The following BIRC6 variants were observed in gnomAD, a reference collection of about 807,000 sequenced individuals.
The protein encoded by BIRC6 is baculoviral IAP repeat containing 6, also known as dual E2 ubiquitin-conjugating enzyme/E3 ubiquitin-protein ligase BIRC6.
Under a neutral mutation model 503.3 loss-of-function variants are expected in BIRC6, and 98 were observed. The ratio of observed to expected loss-of-function variants is 0.19; its 90% confidence interval spans 0.17 to 0.23. The LOEUF is 0.23. Ranked by LOEUF, BIRC6 falls within the 10% of genes least tolerant of loss-of-function variation. The probability of loss-of-function intolerance (pLI) is 1.00; values close to 1 mark genes in which losing one functional copy is unlikely to be tolerated. For missense variants in BIRC6, 5,360 were observed against 5,806.0 expected, an observed-to-expected ratio of 0.92 and a Z score of 2.50; for synonymous variants, 2,240 against 2,078.7, an observed-to-expected ratio of 1.08 and a Z score of -2.11.
chr2:32,383,353 A>G (rs1212762603), intron 3 of BIRC6, among the ~76,000 whole-genome samples: 6 of 152,152 alleles, frequency 3.9e-5, no homozygotes, highest in African/African-American at 1.4e-4. Context: ...ATAATGGTCA[A>G]GAGGATATAT....
intron 57 of BIRC6, among the ~76,000 whole-genome samples, chr2:32,520,389 A>G (rs867147696): frequency 1.3e-5 from 2 of 152,108 alleles, no homozygotes; most frequent in Non-Finnish European, 2.9e-5. Context: ...TATAAATATT[A>G]AAAAAAATTT....
intron 54 of BIRC6, among the ~76,000 whole-genome samples, chr2:32,514,008 C>A (rs2366896): frequency 1 from 152,287 of 152,288 alleles, 76,143 homozygotes; most frequent in Non-Finnish European, 1. Flanking sequence ...AGAAGTTCGC[C>A]ATGCTGCCTC....
chr2:32,488,599 T>C lies in BIRC6; in HGVS notation c.7980T>C (p.Leu2660=), dbSNP rs1407222283. The change falls in exon 42 of 74, where the codon CTT becomes CTC. Residue 2660 remains leucine, a synonymous_variant. Transcript: ENST00000421745. ...TCATTCTTTTTCAGTTGGAGTCACTTCTCCAATTGTGGCTCACACTGAGCC... is the reference window on the plus strand; with the variant it reads ...TCATTCTTTTTCAGTTGGAGTCACTCCTCCAATTGTGGCTCACACTGAGCC... ...LQVHHVQLES[L]LQLWLTLSLN... 1 of 1,524,180 alleles carries C rather than the reference T, an allele frequency of 6.6e-7. No homozygotes were observed. Among genetic ancestry groups the C allele is most frequent in the Admixed American group, 2.3e-5 (1 of 43,414 alleles). The allele number at this position is 1,524,180 out of a possible 1,614,324, so 94.4% of individuals were successfully genotyped here. A position where few individuals can be genotyped will look rare whatever the true frequency, so the allele number is the denominator to read the frequency against.
At position 32,547,857 on chromosome 2, in the gene BIRC6, T is replaced by C. The variant is rs953284557; in HGVS notation, c.12818T>C (p.Val4273Ala). Residue 4273 changes from valine (V) to alanine (A), a missense_variant, in exon 64 of 74, where the codon GTG becomes GCG. Around this residue, in one of 16 missense-constraint regions of BIRC6, gnomAD observed 477 missense variants for 574.4 expected, o/e 0.83. Transcript: ENST00000421745. ...NSSVNQTEPQ[V>A]SSSHNPTSTE... Reference sequence around the variant, plus strand: ...ATTTTTTGTTATTTTAAGCCACAGGTGTCAAGCTCTCATAACCCTACATCA... The same window carrying C: ...ATTTTTTGTTATTTTAAGCCACAGGCGTCAAGCTCTCATAACCCTACATCA... 1.3e-6 allele frequency: 2 copies of C among 1,565,540 alleles called. No individual in the cohort carries two copies. Among genetic ancestry groups the C allele is most frequent in the Non-Finnish European group, 1.7e-6 (2 of 1,161,540 alleles).
chr2:32,367,316 G>T (rs1356068714), intron 1 of BIRC6, among the ~76,000 whole-genome samples: 1 of 151,838 alleles, frequency 6.6e-6, no homozygotes, highest in Non-Finnish European at 1.5e-5. Context: ...TACAAAATTG[G>T]CTGGGTGTGA....
intron 55 of BIRC6, 131 bp downstream of exon 55, chr2:32,515,901 C>A: frequency 1.3e-6 from 1 of 796,958 alleles, no homozygotes; most frequent in South Asian, 1.9e-5. Flanking sequence ...CTATAAAGTA[C>A]TGATATCTCC....
Position 32,357,443 on chromosome 2 carries a change from C to A in BIRC6, c.282C>A (p.Ile94=). 1 of 1,550,262 alleles carries A rather than the reference C, an allele frequency of 6.5e-7. No individual in the cohort carries two copies. The highest frequency in any genetic ancestry group is 8.7e-7 in the Non-Finnish European group (1 of 1,147,066). The change falls in exon 1 of 74, where the codon ATC becomes ATA. Residue 94 remains isoleucine (I), a synonymous_variant. Coordinates refer to ENST00000421745, the MANE Select transcript of BIRC6 (RefSeq NM_016252.4). This position sits in a 1 kb window ranked among gnomAD's most constrained non-coding sequence, Gnocchi z 4.9. ...CTAGCCGCGGGACCATCAAAGTCAT[C>A]GACGGCACCTCGGGGGCCACACTGC... ...AVTSRGTIKV[I]DGTSGATLQA...
chr2:32,443,313 C>A (rs1193764843), intron 19 of BIRC6, 178 bp from the exon 20 acceptor site: 4 of 522,650 alleles, frequency 7.7e-6, no homozygotes, highest in Non-Finnish European at 1.0e-5. Context: ...TATTTACAAC[C>A]CTCCTTAGTA....
At chr2:32,606,266 G>A (rs559275163) in intron 71 of BIRC6, among the ~76,000 whole-genome samples, 1 of 152,192 alleles carries the variant, frequency 6.6e-6, no homozygotes, top group East Asian at 1.9e-4. Flanking sequence ...GTTTGGAAGT[G>A]GTCTTAGACC....
At chr2:32,538,867 C>A (rs937824954) in intron 61 of BIRC6, among the ~76,000 whole-genome samples, 2 of 152,072 alleles carry the variant, frequency 1.3e-5, no homozygotes, top group African/African-American at 4.8e-5. Context: ...GAGATCGTGC[C>A]CCTGCACTGC....
chr2:32,498,898 A>G (rs1572635951), intron 45 of BIRC6, among the ~76,000 whole-genome samples: 1 of 152,292 alleles, frequency 6.6e-6, no homozygotes, highest in East Asian at 1.9e-4. Context: ...TATTTTTAGT[A>G]ACAATGAGGT....
chr2:32,443,576 G>GCAA lies in BIRC6; in HGVS notation c.4329_4331dup (p.Thr1444dup), dbSNP rs1258365518. ...TGATAATATGTCATTTTTACCTGCA[G>GCAA]CAACAACTGGTGGTATGTAAAATTA... On this transcript the variant is annotated inframe_insertion, in exon 20 of 74. Coordinates refer to ENST00000421745, the MANE Select transcript of BIRC6 (RefSeq NM_016252.4). 2.5e-6 allele frequency: 4 copies of GCAA among 1,599,654 alleles called. No individual in the cohort carries two copies. The Admixed American group carries it at 5.1e-5, about 21-fold the overall frequency.
At chr2:32,485,781 A>C (rs1205793111) in intron 40 of BIRC6, 22 bp downstream of exon 40, 2 of 1,415,594 alleles carry the variant, frequency 1.4e-6, no homozygotes, top group Admixed American at 1.7e-5. Context: ...GACCATTTTT[A>C]GAGTATTGCA....
At chr2:32,446,738 G>A (rs943562109) in intron 21 of BIRC6, among the ~76,000 whole-genome samples, 2 of 34,836 alleles carry the variant, frequency 5.7e-5, no homozygotes, top group Non-Finnish European at 9.5e-5. Context: ...CCTCTGCGCT[G>A]TTTTTTTTTT....
At chr2:32,426,141 G>A (rs547956554) in intron 10 of BIRC6, among the ~76,000 whole-genome samples, 1 of 152,336 alleles carries the variant, frequency 6.6e-6, no homozygotes, top group South Asian at 2.1e-4. Context: ...ACTGGTCCCC[G>A]TGTTGATTCT....
rs1006732362 is a variant in BIRC6, at chr2:32,482,496, T to C, written c.7610T>C (p.Ile2537Thr). ...DYGTYNYNPY[I>T]GGLGIPVAKP... ...GGGACCTACAATTACAACCCTTACA[T>C]TGGAGGTCTGGGAATTCCTGTAGCA... Residue 2537 changes from isoleucine (I) to threonine (T), a missense_variant, in exon 39 of 74, where the codon ATT becomes ACT. Physicochemically the swap from Ile to Thr is moderately conservative, Grantham distance 89. Transcript: ENST00000421745. 4.3e-6 allele frequency: 7 copies of C among 1,613,780 alleles called. No individual in the cohort carries two copies. In the African/African-American group the frequency reaches 6.7e-5, roughly 15 times the overall value.
chr2:32,377,249 G>T lies in BIRC6; in HGVS notation c.326-339G>T, dbSNP rs572762412. Among the ~76,000 whole-genome samples the T allele has an allele frequency of 2.7e-5, 4 of 148,520 alleles. No individual in the cohort carries two copies. The East Asian group carries it at 8.0e-4, about 30-fold the overall frequency. On this transcript the variant is annotated intron_variant, in intron 1 of 73. Transcript: ENST00000421745. ...TGTGTGTGTGTGTGTGTGTGTGTGTGTATACACATCATATTTTATTCTACT... is the reference window on the plus strand; with the variant it reads ...TGTGTGTGTGTGTGTGTGTGTGTGTTTATACACATCATATTTTATTCTACT...
At chr2:32,374,042 CT>C (rs2149312853) in intron 1 of BIRC6, among the ~76,000 whole-genome samples, 1 of 152,184 alleles carries the variant, frequency 6.6e-6, no homozygotes, top group South Asian at 2.1e-4. Context: ...GGTTGCCAGG[CT>C]TTGGGGAGAG....
chr2:32,614,865 C>A (rs977405512), intron 73 of BIRC6, among the ~76,000 whole-genome samples: 1 of 152,050 alleles, frequency 6.6e-6, no homozygotes, highest in African/African-American at 2.4e-5. Context: ...AGTTGTTTAG[C>A]TTGACTCCAC....
Sources: gnomAD v4.1 joint callset for allele counts (sites outside exome capture counted in the v4.1 genomes callset) on GRCh38, gnomAD v4.1.1 for gene constraint, gnomAD v4.1.1 regional missense constraint, Gnocchi (gnomAD v3.1) non-coding constraint, MANE v1.5 for transcripts, NCBI Gene and HGNC (gene_info 2026-07-23, HGNC 2026-07-21) for gene names.